ENOX1: variants seen among roughly 807,000 people sequenced by gnomAD.
ENOX1 encodes ecto-NOX disulfide-thiol exchanger 1.
Under a neutral mutation model 82.5 loss-of-function variants are expected in ENOX1, and 42 were observed. The ratio of observed to expected loss-of-function variants is 0.51; its 90% CI spans 0.40 to 0.66. The LOEUF (loss-of-function observed/expected upper bound fraction) is 0.66. Among genes scored for constraint, ENOX1 ranks in the 30% least tolerant of loss-of-function variants. ENOX1 has a pLI of 0.00. For missense variants in ENOX1, 608 were observed against 811.6 expected, an observed-to-expected ratio of 0.75 and a Z score of 3.05; for synonymous variants, 271 against 282.2, an observed-to-expected ratio of 0.96 and a Z score of 0.40.
chr13:43,618,199 T>G (rs1233027801), intron 2 of ENOX1, among the ~76,000 whole-genome samples: 1 of 152,212 alleles, frequency 6.6e-6, no homozygotes, highest in East Asian at 1.9e-4. Context: ...GTGGTTTGTG[T>G]GTTTACTTTG....
chr13:43,628,832 G>A (rs771946501), intron 2 of ENOX1, among the ~76,000 whole-genome samples: 2 of 152,250 alleles, frequency 1.3e-5, no homozygotes, highest in Non-Finnish European at 1.5e-5. Context: ...CTTGGCCTTC[G>A]CTGACACCCA....
chr13:43,447,266 A>G (rs1014977287), intron 3 of ENOX1, among the ~76,000 whole-genome samples: 2 of 152,208 alleles, frequency 1.3e-5, no homozygotes, highest in African/African-American at 4.8e-5. Flanking sequence ...AGTAGGCTTG[A>G]TAAATATTTG....
chr13:43,386,820 C>T (rs774407782), intron 5 of ENOX1, among the ~76,000 whole-genome samples: 2 of 152,132 alleles, frequency 1.3e-5, no homozygotes, highest in East Asian at 3.9e-4. Context: ...TTGATGCTAA[C>T]ACACTTTAGT....
At chr13:43,367,521 G>A (rs1346151773) in intron 5 of ENOX1, among the ~76,000 whole-genome samples, 4 of 152,080 alleles carry the variant, frequency 2.6e-5, no homozygotes. Context: ...GCAAGTCAAG[G>A]ATCACCCAGG....
intron 3 of ENOX1, among the ~76,000 whole-genome samples, chr13:43,475,498 A>T (rs147494814): frequency 6.6e-6 from 1 of 152,294 alleles, no homozygotes; most frequent in Non-Finnish European, 1.5e-5. Flanking sequence ...AATCCTATAA[A>T]CTCAACTTTC....
chr13:43,687,712 C>A (rs377094837), intron 1 of ENOX1, among the ~76,000 whole-genome samples: 1 of 152,136 alleles, frequency 6.6e-6, no homozygotes. Flanking sequence ...AGACTCAGTA[C>A]ATCCGTGGCC....
At chr13:43,404,332 T>C (rs2053664167) in intron 5 of ENOX1, among the ~76,000 whole-genome samples, 1 of 152,192 alleles carries the variant, frequency 6.6e-6, no homozygotes, top group South Asian at 2.1e-4. Flanking sequence ...CCACCACCTC[T>C]GGCCCACATA....
chr13:43,225,936 C>CT (rs1237807137), intron 15 of ENOX1, among the ~76,000 whole-genome samples: 2 of 152,108 alleles, frequency 1.3e-5, no homozygotes, highest in Non-Finnish European at 2.9e-5. Flanking sequence ...TATATTCTTC[C>CT]TTTTTTCTTG....
intron 2 of ENOX1, among the ~76,000 whole-genome samples, chr13:43,609,012 G>A (rs575840737): frequency 6.6e-5 from 10 of 152,214 alleles, no homozygotes; most frequent in African/African-American, 1.2e-4. Context: ...AGAACTCTCC[G>A]TTCTCAAATT....
At chr13:43,228,016 ATGTTTCTAGGCCCTG>A (rs1446260263) in intron 15 of ENOX1, among the ~76,000 whole-genome samples, 1 of 150,736 alleles carries the variant, frequency 6.6e-6, no homozygotes, top group Non-Finnish European at 1.5e-5. Flanking sequence ...ACTTGAGAAA[ATGTTTCTAGGCCCTG>A]TGATTTTGGA....
intron 2 of ENOX1, among the ~76,000 whole-genome samples, chr13:43,666,116 T>G (rs1480087122): frequency 6.6e-6 from 1 of 152,016 alleles, no homozygotes; most frequent in Non-Finnish European, 1.5e-5. Context: ...CCTTTATTGC[T>G]AAAACAATGT....
chr13:43,437,469 T>A (rs2056102917), intron 3 of ENOX1, among the ~76,000 whole-genome samples: 1 of 152,168 alleles, frequency 6.6e-6, no homozygotes. Flanking sequence ...CATTTGACCT[T>A]GAGAACTTAG....
At chr13:43,472,323 A>G (rs2058102965) in intron 3 of ENOX1, among the ~76,000 whole-genome samples, 1 of 152,244 alleles carries the variant, frequency 6.6e-6, no homozygotes, top group Admixed American at 6.5e-5. Context: ...TTGTTAAAAC[A>G]ATTGTTATGT....
chr13:43,519,606 A>G (rs544224821), intron 2 of ENOX1, among the ~76,000 whole-genome samples: 50 of 152,256 alleles, frequency 3.3e-4, no homozygotes, highest in Admixed American at 5.9e-4. Flanking sequence ...GAAAGCTTAT[A>G]CTGGATGTTG....
chr13:43,545,891 C>CCTCT (rs1338295384), intron 2 of ENOX1: 2 of 152,228 alleles, frequency 1.3e-5, no homozygotes, highest in Non-Finnish European at 2.9e-5. Flanking sequence ...GCTACACAGA[C>CCTCT]CTCTGATAGG....
chr13:43,339,997 A>T (rs189164239), intron 9 of ENOX1, among the ~76,000 whole-genome samples: 2 of 152,346 alleles, frequency 1.3e-5, no homozygotes, highest in Non-Finnish European at 2.9e-5. Context: ...GACATCAAAC[A>T]CATCTTACCA....
rs138340148 is a variant in ENOX1 at position 43,729,531 on chromosome 13, A to G, written c.-285+57121T>C. 1.2e-3 allele frequency among the ~76,000 whole-genome samples: 176 copies of G among 152,288 alleles called. 1 individual carries two copies. The highest frequency in any genetic ancestry group is 8.7e-3 in the Admixed American group (133 of 15,288). On this transcript the variant is annotated intron_variant, in intron 1 of 16. Transcript: ENST00000690772. ...CTACTTTTCATCTATTTATTAAAACATTTTTGTAATGTTTTGTTGTGGTAC... is the reference window on the plus strand; with the variant it reads ...CTACTTTTCATCTATTTATTAAAACGTTTTTGTAATGTTTTGTTGTGGTAC...
chr13:43,607,435 T>C (rs1289626090), intron 2 of ENOX1, among the ~76,000 whole-genome samples: 2 of 152,186 alleles, frequency 1.3e-5, no homozygotes, highest in African/African-American at 4.8e-5. Flanking sequence ...AAAAGTTCCC[T>C]ACAATTTTCC....
chr13:43,419,070 C>G (rs191106942), intron 3 of ENOX1, among the ~76,000 whole-genome samples: 1 of 151,746 alleles, frequency 6.6e-6, no homozygotes, highest in Admixed American at 6.6e-5. Context: ...CCCAGCTACA[C>G]GGGAGGCTGA....
Sources: gnomAD v4.1 joint callset for allele counts (sites outside exome capture counted in the v4.1 genomes callset) on GRCh38, gnomAD v4.1.1 for gene constraint, MANE v1.5 for transcripts, NCBI Gene and HGNC (gene_info 2026-07-23, HGNC 2026-07-21) for gene names.